Variants in TACR3 observed in about 807,000 individuals in gnomAD.
TACR3 encodes neuromedin-K receptor.
In TACR3, 34 loss-of-function variants were observed where a neutral mutation model predicts 35.0. That is an observed-to-expected ratio of 0.97 (90% CI 0.74 to 1.30). The LOEUF (loss-of-function observed/expected upper bound fraction) is 1.30, where lower values mean the gene tolerates loss of function less well. Among genes scored for constraint, TACR3 ranks in the 50% most tolerant of loss-of-function variants. The probability of loss-of-function intolerance (pLI) is 0.00; values close to 1 mark genes in which losing one functional copy is unlikely to be tolerated. For synonymous variants in TACR3, 233 were observed against 221.1 expected, an observed-to-expected ratio of 1.05 and a Z score of -0.48; for missense variants, 558 against 591.7, an observed-to-expected ratio of 0.94 and a Z score of 0.59.
At chr4:103,599,783 C>T (rs1045157509) in intron 3 of TACR3, among the ~76,000 whole-genome samples, 1 of 152,178 alleles carries the variant, frequency 6.6e-6, no homozygotes, top group Non-Finnish European at 1.5e-5. Flanking sequence ...GTCGAACCAG[C>T]CTTGCATCCC....
chr4:103,594,292 C>T, intron 3 of TACR3, among the ~76,000 whole-genome samples: 1 of 151,952 alleles, frequency 6.6e-6, no homozygotes, highest in Non-Finnish European at 1.5e-5. Flanking sequence ...ATTCTTCTGC[C>T]TCAGCCTCCC....
intron 3 of TACR3, among the ~76,000 whole-genome samples, chr4:103,607,913 T>C (rs906422155): frequency 6.6e-6 from 1 of 152,124 alleles, no homozygotes; most frequent in Non-Finnish European, 1.5e-5. Context: ...GCCAGTCCTG[T>C]AGAATGTTGC....
At chr4:103,698,745 T>C (rs1722582855) in intron 1 of TACR3, among the ~76,000 whole-genome samples, 1 of 152,000 alleles carries the variant, frequency 6.6e-6, no homozygotes, top group Non-Finnish European at 1.5e-5. Context: ...AGTGTGACTA[T>C]AGTTAGCAAT....
intron 3 of TACR3, among the ~76,000 whole-genome samples, chr4:103,637,652 C>T (rs987869039): frequency 6.6e-6 from 1 of 152,054 alleles, no homozygotes; most frequent in Admixed American, 6.6e-5. Flanking sequence ...TCAAATTGTC[C>T]CTGTTTGCAG....
At chr4:103,689,218 G>T (rs1722339450) in intron 1 of TACR3, among the ~76,000 whole-genome samples, 1 of 142,122 alleles carries the variant, frequency 7.0e-6, no homozygotes. Flanking sequence ...CATGGGCACA[G>T]GAAGGGGAAC....
chr4:103,589,621 A>G lies in TACR3; in HGVS notation c.*61T>C, dbSNP rs1259067894. ...TAGGACAGGACTGGTAAATAGGAGA[A>G]TGGGGTCCTAGACTGGCACCATGAT... On this transcript the variant is annotated 3_prime_UTR_variant, in exon 5 of 5. Coordinates refer to ENST00000304883, the MANE Select transcript of TACR3 (RefSeq NM_001059.3). The G allele has an allele frequency of 6.3e-7, 1 of 1,595,702 alleles. No homozygotes were observed. Among genetic ancestry groups the G allele is most frequent in the Admixed American group, 1.7e-5 (1 of 59,952 alleles).
intron 3 of TACR3, among the ~76,000 whole-genome samples, chr4:103,603,231 T>A (rs1297776850): frequency 6.6e-6 from 1 of 152,234 alleles, no homozygotes; most frequent in East Asian, 1.9e-4. Context: ...TGCCATTTTT[T>A]AAGCCCATTG....
chr4:103,700,431 T>G (rs1441375584), intron 1 of TACR3, among the ~76,000 whole-genome samples: 1 of 152,174 alleles, frequency 6.6e-6, no homozygotes, highest in Non-Finnish European at 1.5e-5. Flanking sequence ...ATCTTATAGA[T>G]GATAATACAA....
chr4:103,697,723 C>T (rs548212486), intron 1 of TACR3, among the ~76,000 whole-genome samples: 2 of 152,190 alleles, frequency 1.3e-5, no homozygotes, highest in South Asian at 2.1e-4. Flanking sequence ...TGCGCCCAGC[C>T]GGCACTTGTG....
rs963021723 is a variant in TACR3 at position 103,627,453 on chromosome 4, G to A, written c.888+28741C>T. ...GCATGAGAATCACTTGAACCTGGGC[G>A]GCAGAGGTAGCAGTGAGCCAAGACT... On this transcript the variant is annotated intron_variant, in intron 3 of 4. Transcript: ENST00000304883. Among the ~76,000 whole-genome samples, 13 of 151,414 alleles carry A rather than the reference G, an allele frequency of 8.6e-5. 1 individual carries two copies. In the South Asian group the frequency reaches 1.2e-3, roughly 15 times the overall value.
chr4:103,607,335 A>T (rs1458275051), intron 3 of TACR3, among the ~76,000 whole-genome samples: 4 of 152,076 alleles, frequency 2.6e-5, no homozygotes, highest in African/African-American at 7.2e-5. Context: ...TGACTTTTGA[A>T]GGTATCTGAT....
chr4:103,665,108 C>T (rs901920936), intron 1 of TACR3, among the ~76,000 whole-genome samples: 3 of 151,792 alleles, frequency 2.0e-5, no homozygotes, highest in African/African-American at 4.8e-5. Flanking sequence ...CCACCAAACC[C>T]GGCCCATAAC....
rs6822961 is a variant in TACR3, at chr4:103,591,471, G to C, written c.1085+16C>G. 1.4e-4 allele frequency: 229 copies of C among 1,613,158 alleles called. 1 individual carries two copies. Among genetic ancestry groups the C allele is most frequent in the East Asian group, 1.3e-3 (60 of 44,860 alleles). ...GGGTGTGACAAGCAACTTGCATTTC[G>C]TAGTTTTGTTTTTACCTTTTATTCA... On this transcript the variant is annotated intron_variant, in intron 4 of 4. Transcript: ENST00000304883.
intron 1 of TACR3, among the ~76,000 whole-genome samples, chr4:103,709,401 A>T (rs1466040794): frequency 1.3e-5 from 2 of 152,214 alleles, no homozygotes; most frequent in African/African-American, 4.8e-5. Flanking sequence ...ATATCCAGCC[A>T]AACTAAGCTT....
At chr4:103,715,325 G>A (rs1195359234) in intron 1 of TACR3, among the ~76,000 whole-genome samples, 1 of 152,104 alleles carries the variant, frequency 6.6e-6, no homozygotes, top group African/African-American at 2.4e-5. Context: ...GAGTTCTTGT[G>A]AGATCTGGTT....
At chr4:103,617,218 G>A (rs575992243) in intron 3 of TACR3, among the ~76,000 whole-genome samples, 7 of 151,018 alleles carry the variant, frequency 4.6e-5, no homozygotes, top group African/African-American at 1.7e-4. Flanking sequence ...AAATAAGTAC[G>A]ATAAACATAT....
intron 3 of TACR3, among the ~76,000 whole-genome samples, chr4:103,598,076 A>C (rs912661482): frequency 9.9e-5 from 15 of 152,142 alleles, no homozygotes; most frequent in Non-Finnish European, 2.1e-4. Context: ...CCAACAGTGT[A>C]AAAGTGTTCC....
chr4:103,683,688 T>C (rs564020315), intron 1 of TACR3, among the ~76,000 whole-genome samples: 5 of 151,972 alleles, frequency 3.3e-5, no homozygotes, highest in Admixed American at 6.6e-5. Flanking sequence ...AAAATATGAA[T>C]CTCTAGTACC....
intron 3 of TACR3, among the ~76,000 whole-genome samples, chr4:103,654,024 G>A (rs1213028511): frequency 7.2e-5 from 10 of 139,752 alleles, no homozygotes; most frequent in East Asian, 4.0e-4. Context: ...TTAGAATGGC[G>A]AGCATTAAAA....
Sources: gnomAD v4.1 joint callset for allele counts (sites outside exome capture counted in the v4.1 genomes callset) on GRCh38, gnomAD v4.1.1 for gene constraint, MANE v1.5 for transcripts, NCBI Gene and HGNC (gene_info 2026-07-23, HGNC 2026-07-21) for gene names.